Variants in TAF6L observed in about 807,000 individuals in gnomAD.
The protein encoded by TAF6L is TAF6-like RNA polymerase II p300/CBP-associated factor-associated factor 65 kDa subunit 6L.
Under a neutral mutation model 57.3 loss-of-function variants are expected in TAF6L, and 34 were observed. The ratio of observed to expected loss-of-function variants is 0.59; its 90% CI spans 0.45 to 0.79. TAF6L has a LOEUF of 0.79. Among genes scored for constraint, TAF6L ranks in the 30% least tolerant of loss-of-function variants. The pLI, the probability that TAF6L is intolerant of heterozygous loss-of-function variation, is 0.00. For synonymous variants in TAF6L, 417 were observed against 376.3 expected (o/e 1.11, Z -1.25); for missense variants, 782 against 853.2 (o/e 0.92, Z 1.04).
In TAF6L at chr11:62,778,853, G is replaced by C; in HGVS notation, c.437-16G>C. On this transcript the variant is annotated splice_polypyrimidine_tract_variant and intron_variant, in intron 5 of 10. Coordinates refer to ENST00000294168, the MANE Select transcript of TAF6L (RefSeq NM_006473.4). ...AGCTCTCCACCTGTCCCTGCTTCCTGCCTGTCCTCTGGCAGTGCCCAGTGC... is the reference window on the plus strand; with the variant it reads ...AGCTCTCCACCTGTCCCTGCTTCCTCCCTGTCCTCTGGCAGTGCCCAGTGC... 6.2e-7 allele frequency: 1 copy of C among 1,612,344 alleles called. No individual in the cohort carries two copies.
chr11:62,775,876 G>A lies in TAF6L; in HGVS notation c.93G>A (p.Glu31=). 6.2e-7 allele frequency: 1 copy of A among 1,614,050 alleles called. No individual in the cohort carries two copies. Among genetic ancestry groups the A allele is most frequent in the South Asian group, 1.1e-5 (1 of 91,082 alleles). ...GCACGGGCCTGGAGCTGAGCGATGA[G>A]GTGGCGGCGCTGCTCGCAGAGGACG... ...AESTGLELSD[E]VAALLAEDVC... The change falls in exon 2 of 11, where the codon GAG becomes GAA. Residue 31 remains glutamate (E), a synonymous_variant. Transcript: ENST00000294168.
rs1315995621 is a variant in TAF6L, at chr11:62,787,322, A to G, written c.*26A>G. The G allele has an allele frequency of 6.6e-7, 1 of 1,525,112 alleles. No individual in the cohort carries two copies. Among genetic ancestry groups the G allele is most frequent in the Non-Finnish European group, 8.7e-7 (1 of 1,143,036 alleles). 94.5% of individuals were successfully genotyped at this position (1,525,112 alleles called of 1,614,324 possible). A position where few individuals can be genotyped will look rare whatever the true frequency, so the allele number is the denominator to read the frequency against. On this transcript the variant is annotated 3_prime_UTR_variant, in exon 11 of 11. Transcript: ENST00000294168. ...GTCAGTGGCCCCTTCGTTCCTTGTA[A>G]ATAAATCCCGCCCCCGGAAATGACG...
rs759830563 is a variant in TAF6L, at chr11:62,775,840, C to T, written c.57C>T (p.Leu19=). The change falls in exon 2 of 11, where the codon CTC becomes CTT. Residue 19 remains leucine (L), a synonymous_variant. Transcript: ENST00000294168. ...AGATCCCTCGGGAGTCTGTCCGGCT[C>T]ATGGCGGAGAGCACGGGCCTGGAGC... is the stretch of plus-strand genomic sequence containing the variant. The part of the protein sequence containing the change: ...FVEIPRESVR[L]MAESTGLELS... 3 of 1,613,152 alleles carry T rather than the reference C, an allele frequency of 1.9e-6. No individual in the cohort carries two copies. The highest frequency in any genetic ancestry group is 1.7e-5 in the Admixed American group (1 of 59,946).
intron 9 of TAF6L, among the ~76,000 whole-genome samples, chr11:62,784,390 C>T (rs573777243): frequency 7.3e-4 from 110 of 151,290 alleles, no homozygotes; most frequent in African/African-American, 1.1e-3. Context: ...CTGCAACCTC[C>T]GCCTCCCGGG....
rs1404314221 is a variant in TAF6L at position 62,784,223 on chromosome 11, C to T, written c.960+1398C>T. 4.0e-5 allele frequency among the ~76,000 whole-genome samples: 6 copies of T among 149,102 alleles called. No individual in the cohort carries two copies. The South Asian group carries it at 6.4e-4, about 16-fold the overall frequency. On this transcript the variant is annotated intron_variant, in intron 9 of 10. Coordinates refer to ENST00000294168, the MANE Select transcript of TAF6L (RefSeq NM_006473.4). The stretch of plus-strand genomic sequence containing the variant: ...CAGGATGGTCTCAATCTCTGGACCT[C>T]GTGTTCCGCCCGCCTCGGCTTCCCA...
chr11:62,771,899 ACAACGATCTAT>A (rs1379897092), intron 1 of TAF6L: 3 of 316,922 alleles, frequency 9.5e-6, no homozygotes, highest in African/African-American at 6.5e-5. Flanking sequence ...CTGCAGCTTC[ACAACGATCTAT>A]TGGCGGGTCT....
At chr11:62,784,820 A>G (rs1210890802) in intron 9 of TAF6L, among the ~76,000 whole-genome samples, 1 of 152,192 alleles carries the variant, frequency 6.6e-6, no homozygotes, top group African/African-American at 2.4e-5. Flanking sequence ...ACTGTAATGC[A>G]TTTTAATTTA....
At chr11:62,774,047 G>A (rs930292888) in intron 1 of TAF6L, among the ~76,000 whole-genome samples, 8 of 152,104 alleles carry the variant, frequency 5.3e-5, no homozygotes, top group Non-Finnish European at 1.0e-4. Flanking sequence ...TACATGCAGA[G>A]CCTCCAGAGC....
chr11:62,778,341 G>C lies in TAF6L; in HGVS notation c.436+6G>C. 4 of 1,614,134 alleles carry C rather than the reference G, an allele frequency of 2.5e-6. No individual in the cohort carries two copies. The highest frequency in any genetic ancestry group is 3.4e-6 in the Non-Finnish European group (4 of 1,180,024). On this transcript the variant is annotated splice_donor_region_variant and intron_variant, in intron 5 of 10. Transcript: ENST00000294168. ...CCTGGCACCTCAAGGATCGGGTAAG[G>C]GGTGATGTAGGAAACAGGCTCTTTG...
At chr11:62,774,328 G>A (rs542146084) in intron 1 of TAF6L, among the ~76,000 whole-genome samples, 6 of 152,184 alleles carry the variant, frequency 3.9e-5, no homozygotes, top group African/African-American at 7.2e-5. Flanking sequence ...CGCCTGCCTC[G>A]GCCTCCCAAA....
intron 3 of TAF6L, 111 bp from the exon 4 acceptor site, chr11:62,777,867 G>A (rs2084198428): frequency 3.0e-6 from 4 of 1,315,214 alleles, no homozygotes; most frequent in Non-Finnish European, 2.1e-6. Context: ...GGGACTTCTG[G>A]ACTTCCTTCA....
chr11:62,779,353 C>T (rs1735306951), intron 6 of TAF6L, among the ~76,000 whole-genome samples: 1 of 152,074 alleles, frequency 6.6e-6, no homozygotes, highest in Non-Finnish European at 1.5e-5. Context: ...CGCCAACATA[C>T]CCGGCTAATT....
intron 6 of TAF6L, among the ~76,000 whole-genome samples, chr11:62,780,727 C>T (rs1295533533): frequency 2.6e-5 from 4 of 150,968 alleles, no homozygotes; most frequent in African/African-American, 4.9e-5. Flanking sequence ...GCCGGGAGTT[C>T]GAGACCAGCC....
In TAF6L at chr11:62,779,974, A is replaced by ATTTTTT. The variant is rs1432226168; in HGVS notation, c.531+1012_531+1013insTTTTTT. Among the ~76,000 whole-genome samples the ATTTTTT allele has an allele frequency of 7.5e-3, 564 of 74,820 alleles. 9 individuals are homozygous for ATTTTTT. Among genetic ancestry groups the ATTTTTT allele is most frequent in the African/African-American group, 0.027 (530 of 19,800 alleles). 49.1% of individuals were successfully genotyped at this position (74,820 alleles called of 152,430 possible). A position where few individuals can be genotyped will look rare whatever the true frequency, so the allele number is the denominator to read the frequency against. ...AGCCTATATATATATATATATATATATATTTTTTTTTTTTTTTTTTTTAGA... is the reference window on the plus strand; with the variant it reads ...AGCCTATATATATATATATATATATATTTTTTTATTTTTTTTTTTTTTTTTTTTAGA... On this transcript the variant is annotated intron_variant, in intron 6 of 10. Transcript: ENST00000294168.
rs965423570 is a variant in TAF6L, at chr11:62,775,943, C to G, written c.147+13C>G. 8 of 1,594,208 alleles carry G rather than the reference C, an allele frequency of 5.0e-6. No individual in the cohort carries two copies. The highest frequency in any genetic ancestry group is 6.0e-6 in the Non-Finnish European group (7 of 1,169,454). Reference sequence around the variant, plus strand: ...AGAGGCCACGCAGGTACACTCCCCTCACCCCCTGATACCTCCAACTTTCCT... The same window carrying G: ...AGAGGCCACGCAGGTACACTCCCCTGACCCCCTGATACCTCCAACTTTCCT... On this transcript the variant is annotated intron_variant, in intron 2 of 10. Coordinates refer to ENST00000294168, the MANE Select transcript of TAF6L (RefSeq NM_006473.4).
intron 6 of TAF6L, among the ~76,000 whole-genome samples, chr11:62,779,562 G>C (rs1254993576): frequency 1.3e-5 from 2 of 152,084 alleles, no homozygotes; most frequent in East Asian, 3.8e-4. Flanking sequence ...CCGACCTCAG[G>C]TGATCCACCC....
chr11:62,781,909 T>C lies in TAF6L; in HGVS notation c.547T>C (p.Leu183=), dbSNP rs1050173074. Residue 183 remains leucine (L), a synonymous_variant, in exon 7 of 11, where the codon TTG becomes CTG. Coordinates refer to ENST00000294168, the MANE Select transcript of TAF6L (RefSeq NM_006473.4). ...PQLMKVALQD[L]QTNSKIGALL... ...TTCCTTTTAGGTTGCACTCCAGGAC[T>C]TGCAGACGAACTCCAAGATTGGGGC... 3.7e-6 allele frequency: 6 copies of C among 1,614,186 alleles called. No homozygotes were observed. The highest frequency in any genetic ancestry group is 5.1e-6 in the Non-Finnish European group (6 of 1,180,030).
At chr11:62,778,838 C>G (rs767892410) in intron 5 of TAF6L, 31 bp from the exon 6 acceptor site, 6 of 1,599,312 alleles carry the variant, frequency 3.8e-6, no homozygotes, top group Non-Finnish European at 5.1e-6. Flanking sequence ...AGCTCTCCAC[C>G]TGTCCCTGCT....
chr11:62,787,145 G>T lies in TAF6L; in HGVS notation c.1718G>T (p.Cys573Phe). The T allele has an allele frequency of 6.4e-7, 1 of 1,568,978 alleles. No individual in the cohort carries two copies. Among genetic ancestry groups the T allele is most frequent in the Non-Finnish European group, 8.6e-7 (1 of 1,166,744 alleles). The change falls in exon 11 of 11, where the codon TGC becomes TTC. Residue 573 changes from cysteine to phenylalanine, a missense_variant. Around this residue, in one of 3 missense-constraint regions of TAF6L, gnomAD observed 483 missense variants for 445.1 expected, o/e 1.09. Transcript: ENST00000294168. ...IIAGRQAGRR[C>F]RGRLFQTAFP... ...GCCGGGCGGCAGGCTGGGAGGCGCT[G>T]CCGCGGGCGCCTTTTCCAGACTGCC...
Sources: allele counts gnomAD v4.1 joint callset (sites outside exome capture counted in the v4.1 genomes callset), GRCh38; gene constraint gnomAD v4.1.1; regional missense constraint gnomAD v4.1.1; transcripts MANE v1.5; gene names NCBI Gene and HGNC (gene_info 2026-07-23, HGNC 2026-07-21).